The following ARIH1 variants were observed in gnomAD, a reference collection of about 807,000 sequenced individuals.
The protein encoded by ARIH1 is E3 ubiquitin-protein ligase ARIH1.
In ARIH1, 8 loss-of-function variants were observed where a neutral mutation model predicts 85.0. The ratio of observed to expected loss-of-function variants is 0.09; its 90% CI spans 0.06 to 0.17. The LOEUF is 0.17. ARIH1 is among the 10% of genes least tolerant of loss of function. The pLI is 1.00. For synonymous variants in ARIH1, 238 were observed against 253.6 expected (o/e 0.94, Z 0.59); for missense variants, 311 against 718.1 (o/e 0.43, Z 6.48).
At chr15:72,521,212 C>A (rs1422859356) in intron 2 of ARIH1, among the ~76,000 whole-genome samples, 2 of 78,084 alleles carry the variant, frequency 2.6e-5, no homozygotes, top group Non-Finnish European at 5.1e-5. Context: ...CCCCCCCCCC[C>A]CTTTTCTGGC....
At chr15:72,550,057 A>G (rs919544318) in intron 3 of ARIH1, among the ~76,000 whole-genome samples, 2 of 152,160 alleles carry the variant, frequency 1.3e-5, no homozygotes, top group African/African-American at 4.8e-5. Flanking sequence ...AGCACAATGA[A>G]TATGTATCTT....
chr15:72,506,672 A>C (rs2140404515), intron 1 of ARIH1, among the ~76,000 whole-genome samples: 1 of 152,270 alleles, frequency 6.6e-6, no homozygotes, highest in Non-Finnish European at 1.5e-5. Context: ...AGGAGCTTGT[A>C]GATTTTATGC....
intron 1 of ARIH1, among the ~76,000 whole-genome samples, chr15:72,484,737 G>GTA (rs765975811): frequency 1.1e-4 from 16 of 147,034 alleles, no homozygotes; most frequent in South Asian, 6.5e-4. Flanking sequence ...GTGTATATAT[G>GTA]TATATATATA....
At chr15:72,485,938 G>A (rs2063835824) in intron 1 of ARIH1, among the ~76,000 whole-genome samples, 2 of 152,172 alleles carry the variant, frequency 1.3e-5, no homozygotes, top group Non-Finnish European at 2.9e-5. Flanking sequence ...AACCTGGAGT[G>A]ACTGGATCCT....
At chr15:72,523,198 C>T (rs1782829701) in intron 2 of ARIH1, among the ~76,000 whole-genome samples, 1 of 152,186 alleles carries the variant, frequency 6.6e-6, no homozygotes, top group Non-Finnish European at 1.5e-5. Context: ...CATGGATGTT[C>T]ATAGCAGCTT....
intron 3 of ARIH1, among the ~76,000 whole-genome samples, chr15:72,547,256 G>A (rs533637119): frequency 1.0e-3 from 152 of 148,568 alleles, no homozygotes; most frequent in African/African-American, 3.7e-3. Flanking sequence ...TTTTTGACAC[G>A]AGTTTTGCTC....
At position 72,593,135 on chromosome 15, in the gene ARIH1, TTA is replaced by T. The variant is rs1449128280; in HGVS notation, c.*9844_*9845del. 2 of 152,330 alleles carry T rather than the reference TTA, an allele frequency of 1.3e-5. No homozygotes were observed. The highest frequency in any genetic ancestry group is 3.9e-4 in the East Asian group (2 of 5,188). 9.4% of individuals were successfully genotyped at this position (152,330 alleles called of 1,614,324 possible). A position where few individuals can be genotyped will look rare whatever the true frequency, so the allele number is the denominator to read the frequency against. On this transcript the variant is annotated 3_prime_UTR_variant, in exon 14 of 14. Coordinates refer to ENST00000379887, the MANE Select transcript of ARIH1 (RefSeq NM_005744.5). ...CATATATGAAATAACTGATTTTAAT[TTA>T]CATTACATTTCCCTGATTAATGAGT...
chr15:72,515,926 A>G lies in ARIH1; in HGVS notation c.376-2141A>G, dbSNP rs2063972994. Reference sequence around the variant, plus strand: ...CTTCTTTATTCCCCTAGCCAGAAGCATGGAATTATAGTTTGAGTCTCCTAC... The same window carrying G: ...CTTCTTTATTCCCCTAGCCAGAAGCGTGGAATTATAGTTTGAGTCTCCTAC... On this transcript the variant is annotated intron_variant, in intron 1 of 13. Transcript: ENST00000379887. Among the ~76,000 whole-genome samples the G allele has an allele frequency of 2.6e-5, 4 of 152,298 alleles. 1 individual carries two copies. The South Asian group carries it at 6.2e-4, about 24-fold the overall frequency.
At chr15:72,476,498 G>T (rs1390366359) in intron 1 of ARIH1, among the ~76,000 whole-genome samples, 1 of 152,176 alleles carries the variant, frequency 6.6e-6, no homozygotes, top group East Asian at 1.9e-4. Flanking sequence ...CCAAGTAGCT[G>T]GTACTACAGG....
chr15:72,562,527 A>C (rs191374480), intron 6 of ARIH1, among the ~76,000 whole-genome samples: 1 of 151,966 alleles, frequency 6.6e-6, no homozygotes, highest in Admixed American at 6.6e-5. Flanking sequence ...TTTTTTCATA[A>C]TACTATAAAA....
intron 1 of ARIH1, among the ~76,000 whole-genome samples, chr15:72,504,776 T>C (rs2063917926): frequency 6.6e-6 from 1 of 152,180 alleles, no homozygotes; most frequent in Admixed American, 6.5e-5. Context: ...GGGGTTTCAC[T>C]GGGAACCCAC....
At chr15:72,538,702 A>G (rs1458565527) in intron 2 of ARIH1, among the ~76,000 whole-genome samples, 1 of 152,230 alleles carries the variant, frequency 6.6e-6, no homozygotes, top group Non-Finnish European at 1.5e-5. Flanking sequence ...GTTTCTCTAT[A>G]GCAGGCAAGT....
Position 72,561,463 on chromosome 15 carries a change from AT to A in ARIH1, c.738-15del. 1.3e-6 allele frequency: 2 copies of A among 1,540,538 alleles called. No individual in the cohort carries two copies. Among genetic ancestry groups the A allele is most frequent in the Non-Finnish European group, 1.8e-6 (2 of 1,122,834 alleles). On this transcript the variant is annotated intron_variant, in intron 5 of 13. Coordinates refer to ENST00000379887, the MANE Select transcript of ARIH1 (RefSeq NM_005744.5). ...CTCTTGACTGGAAACTTTCTAATCT[AT>A]TTTTATTCTTGGTTTCAGGCGCCTG...
chr15:72,551,809 A>G (rs2064154132), intron 3 of ARIH1, among the ~76,000 whole-genome samples: 1 of 152,204 alleles, frequency 6.6e-6, no homozygotes, highest in African/African-American at 2.4e-5. Flanking sequence ...CCCACAGGCA[A>G]AGTTGGCAAA....
intron 2 of ARIH1, among the ~76,000 whole-genome samples, chr15:72,524,694 A>G (rs2064019383): frequency 6.6e-6 from 1 of 152,246 alleles, no homozygotes; most frequent in Admixed American, 6.5e-5. Context: ...TAAACGTTCA[A>G]GGAACTGCCA....
In ARIH1 at chr15:72,586,267, A is replaced by G. The variant is rs1476090629; in HGVS notation, c.*2975A>G. The stretch of plus-strand genomic sequence containing the variant: ...ATCTGCTGTGTAATAAAGTGGTTCA[A>G]CCATGATTAGGAACTGAAATTTAGT... On this transcript the variant is annotated 3_prime_UTR_variant, in exon 14 of 14. Transcript: ENST00000379887. 6.6e-6 allele frequency: 1 copy of G among 152,200 alleles called. No individual in the cohort carries two copies. Among genetic ancestry groups the G allele is most frequent in the Non-Finnish European group, 1.5e-5 (1 of 68,034 alleles). 9.4% of individuals were successfully genotyped at this position (152,200 alleles called of 1,614,324 possible).
rs1318447373 is a variant in ARIH1 at position 72,485,988 on chromosome 15, T to C, written c.375+10974T>C. ...GATAGTAGTGGTGGTCCTTGCATTATTTTCAGTGTTTTAAAAAGCCTCATG... is the reference window on the plus strand; with the variant it reads ...GATAGTAGTGGTGGTCCTTGCATTACTTTCAGTGTTTTAAAAAGCCTCATG... On this transcript the variant is annotated intron_variant, in intron 1 of 13. Coordinates refer to ENST00000379887, the MANE Select transcript of ARIH1 (RefSeq NM_005744.5). Among the ~76,000 whole-genome samples the C allele has an allele frequency of 2.0e-5, 3 of 152,192 alleles. No individual in the cohort carries two copies. In the South Asian group the frequency reaches 6.2e-4, roughly 31 times the overall value.
intron 4 of ARIH1, 131 bp downstream of exon 4, chr15:72,555,494 A>G (rs2064171182): frequency 1.0e-5 from 7 of 682,094 alleles, no homozygotes; most frequent in South Asian, 8.3e-5. Context: ...AACTAAAGAT[A>G]ATAGGCTTTT....
rs575540550 is a variant in ARIH1 at position 72,499,141 on chromosome 15, A to G, written c.376-18926A>G. On this transcript the variant is annotated intron_variant, in intron 1 of 13. Transcript: ENST00000379887. Reference sequence around the variant, plus strand: ...GAGGCGCACGCCACCACACTTGGCTAATTTTTGTATTTTTAGTAGAGACGG... The same window carrying G: ...GAGGCGCACGCCACCACACTTGGCTGATTTTTGTATTTTTAGTAGAGACGG... Among the ~76,000 whole-genome samples, 192 of 151,814 alleles carry G rather than the reference A, an allele frequency of 1.3e-3. 1 individual carries two copies. The highest frequency in any genetic ancestry group is 4.5e-3 in the African/African-American group (186 of 41,398).
Sources: gnomAD v4.1 joint callset for allele counts (sites outside exome capture counted in the v4.1 genomes callset) on GRCh38, gnomAD v4.1.1 for gene constraint, MANE v1.5 for transcripts, NCBI Gene and HGNC (gene_info 2026-07-23, HGNC 2026-07-21) for gene names.